SDK1: variants seen among roughly 807,000 people sequenced by gnomAD.
SDK1 encodes sidekick cell adhesion molecule 1, also known as protein sidekick-1.
A neutral mutation model predicts 245.5 loss-of-function variants in SDK1; 157 were observed. The ratio of observed to expected loss-of-function variants is 0.64; its 90% CI spans 0.56 to 0.73. SDK1 has a LOEUF of 0.73. SDK1 is among the 30% of genes least tolerant of loss of function. The pLI is 0.00. For missense variants in SDK1, 3,583 were observed against 3,002.3 expected, an observed-to-expected ratio of 1.19 and a Z score of -4.52; for synonymous variants, 1,647 against 1,278.5, an observed-to-expected ratio of 1.29 and a Z score of -6.15.
chr7:4,262,640 C>T (rs2128244457), intron 44 of SDK1, among the ~76,000 whole-genome samples: 1 of 149,776 alleles, frequency 6.7e-6, no homozygotes. Context: ...TCGGAGGTCT[C>T]TGTGGATGTG....
Position 4,241,834 on chromosome 7 carries a change from A to T in SDK1, c.6172A>T (p.Asn2058Tyr). The change falls in exon 43 of 45, where the codon AAC becomes TAC. Residue 2058 changes from asparagine (N) to tyrosine (Y), a missense_variant. Transcript: ENST00000404826. The part of the protein sequence containing the change: ...STMEESVTLD[N>Y]GGFAALELSS... ...CATGGAGGAGTCTGTGACCCTGGACAACGGAGGATTTGCTGCCCTGGAGCT... is the reference window on the plus strand; with the variant it reads ...CATGGAGGAGTCTGTGACCCTGGACTACGGAGGATTTGCTGCCCTGGAGCT... 1.9e-6 allele frequency: 3 copies of T among 1,614,162 alleles called. No individual in the cohort carries two copies. In the South Asian group the frequency reaches 3.3e-5, roughly 18 times the overall value.
intron 5 of SDK1, among the ~76,000 whole-genome samples, chr7:3,916,055 CA>C (rs1779365974): frequency 1.3e-5 from 2 of 152,084 alleles, no homozygotes; most frequent in African/African-American, 4.8e-5. Context: ...AAAAGAAACA[CA>C]AGTCATAGTA....
rs142599360 is a variant in SDK1, at chr7:3,453,067, C to T, written c.298+151183C>T. 2.5e-3 allele frequency among the ~76,000 whole-genome samples: 373 copies of T among 152,242 alleles called. 4 individuals are homozygous for T. Among genetic ancestry groups the T allele is most frequent in the African/African-American group, 8.6e-3 (357 of 41,542 alleles). On this transcript the variant is annotated intron_variant, in intron 1 of 44. Coordinates refer to ENST00000404826, the MANE Select transcript of SDK1 (RefSeq NM_152744.4). ...TGTCCTGCTACCACGATAGAGTGGA[C>T]CCTGTGTCACAGCACCATTGGTACC...
At chr7:3,974,697 T>C (rs1583691233) in intron 13 of SDK1, 152 bp downstream of exon 13, 15 of 616,762 alleles carry the variant, frequency 2.4e-5, no homozygotes, top group South Asian at 5.3e-5. Flanking sequence ...ACTACATATA[T>C]GGACAAGGTT....
At chr7:3,909,818 C>T (rs930255716) in intron 5 of SDK1, among the ~76,000 whole-genome samples, 1 of 152,192 alleles carries the variant, frequency 6.6e-6, no homozygotes, top group Non-Finnish European at 1.5e-5. Context: ...CGAGGCACCT[C>T]TTCATATATA....
chr7:4,199,778 T>A (rs1166636644), intron 35 of SDK1, among the ~76,000 whole-genome samples: 1 of 152,168 alleles, frequency 6.6e-6, no homozygotes, highest in African/African-American at 2.4e-5. Context: ...CACACATCCC[T>A]GTGCTCAGTC....
intron 5 of SDK1, among the ~76,000 whole-genome samples, chr7:3,834,279 C>T (rs965484911): frequency 3.3e-5 from 5 of 152,202 alleles, no homozygotes; most frequent in South Asian, 2.1e-4. Context: ...TCAGGCATTA[C>T]GCTTGATGCC....
At chr7:3,863,644 A>G (rs1402325236) in intron 5 of SDK1, among the ~76,000 whole-genome samples, 1 of 152,110 alleles carries the variant, frequency 6.6e-6, no homozygotes, top group Admixed American at 6.5e-5. Flanking sequence ...CTGTCTCTGA[A>G]TGTTCCTACT....
intron 17 of SDK1, among the ~76,000 whole-genome samples, chr7:4,037,869 T>A (rs539784545): frequency 6.6e-6 from 1 of 152,232 alleles, no homozygotes; most frequent in Non-Finnish European, 1.5e-5. Flanking sequence ...TGTTTATACC[T>A]TTTTACCATC....
At chr7:4,074,459 G>T (rs1460169630) in intron 20 of SDK1, among the ~76,000 whole-genome samples, 2 of 152,156 alleles carry the variant, frequency 1.3e-5, no homozygotes, top group Non-Finnish European at 2.9e-5. Flanking sequence ...GATAACAATG[G>T]CTCCAATTTC....
At chr7:3,652,074 C>G (rs1223443105) in intron 4 of SDK1, among the ~76,000 whole-genome samples, 2 of 152,086 alleles carry the variant, frequency 1.3e-5, no homozygotes, top group Admixed American at 6.6e-5. Flanking sequence ...TTTATGTTCT[C>G]TAGTTAGGAA....
At chr7:3,885,967 C>T (rs530273791) in intron 5 of SDK1, among the ~76,000 whole-genome samples, 10 of 152,196 alleles carry the variant, frequency 6.6e-5, no homozygotes, top group East Asian at 3.9e-4. Context: ...AGAGGCATCC[C>T]GTGAAAAAAG....
At chr7:4,082,317 C>T (rs1781110522) in intron 22 of SDK1, among the ~76,000 whole-genome samples, 1 of 152,152 alleles carries the variant, frequency 6.6e-6, no homozygotes, top group African/African-American at 2.4e-5. Flanking sequence ...AGGCGGATCA[C>T]TTGAGGTTGG....
At chr7:4,073,776 C>T (rs1425417053) in intron 20 of SDK1, among the ~76,000 whole-genome samples, 1 of 152,176 alleles carries the variant, frequency 6.6e-6, no homozygotes, top group Non-Finnish European at 1.5e-5. Context: ...CCATGAGAAA[C>T]AAACTCACCC....
At chr7:4,180,249 T>C (rs796736285) in intron 35 of SDK1, among the ~76,000 whole-genome samples, 76 of 107,416 alleles carry the variant, frequency 7.1e-4, no homozygotes, top group Middle Eastern at 7.2e-3. Flanking sequence ...CTATGCCCAG[T>C]GCCCGGCTCC....
At chr7:3,462,692 A>C (rs949291432) in intron 1 of SDK1, among the ~76,000 whole-genome samples, 2 of 151,690 alleles carry the variant, frequency 1.3e-5, no homozygotes, top group African/African-American at 2.4e-5. Context: ...CATTAACTCC[A>C]CTTATCACCA....
At chr7:4,017,706 C>A (rs1325375748) in intron 17 of SDK1, among the ~76,000 whole-genome samples, 1 of 152,144 alleles carries the variant, frequency 6.6e-6, no homozygotes, top group East Asian at 1.9e-4. Flanking sequence ...CTGTGTGATA[C>A]TGTGAGTGTT....
At chr7:3,411,921 A>G (rs965338941) in intron 1 of SDK1, among the ~76,000 whole-genome samples, 44 of 152,162 alleles carry the variant, frequency 2.9e-4, no homozygotes, top group African/African-American at 8.9e-4. Flanking sequence ...GGGTATTCCT[A>G]GGAAGAAGAA....
At chr7:3,761,496 G>T (rs889982785) in intron 4 of SDK1, among the ~76,000 whole-genome samples, 17 of 150,656 alleles carry the variant, frequency 1.1e-4, no homozygotes, top group African/African-American at 3.9e-4. Context: ...GGAGCTTGCA[G>T]TGAGCCGAGA....
Sources: gnomAD v4.1 joint callset for allele counts (sites outside exome capture counted in the v4.1 genomes callset) on GRCh38, gnomAD v4.1.1 for gene constraint, MANE v1.5 for transcripts, NCBI Gene and HGNC (gene_info 2026-07-23, HGNC 2026-07-21) for gene names.